CDH13: variants seen among roughly 807,000 people sequenced by gnomAD.
The protein encoded by CDH13 is cadherin-13.
CDH13 carries 24 observed loss-of-function variants against 63.8 expected under a neutral mutation model. The ratio of observed to expected loss-of-function variants is 0.38; its 90% confidence interval spans 0.27 to 0.53. The LOEUF (loss-of-function observed/expected upper bound fraction) is 0.53. Ranked by LOEUF, CDH13 falls within the 20% of genes least tolerant of loss-of-function variation. CDH13 has a pLI of 0.85. For synonymous variants in CDH13, 503 were observed against 355.3 expected (o/e 1.42, Z -4.67); for missense variants, 1,049 against 903.1 (o/e 1.16, Z -2.07).
rs1207271982 is a variant in CDH13, at chr16:83,764,365, C to T, written c.1682-15603C>T. ...GCTGAATGGGCAGGTGGAAGCCTGA[C>T]AGCAGGACATTTCTACATTGATCAG... On this transcript the variant is annotated intron_variant, in intron 11 of 13. Transcript: ENST00000567109. Among the ~76,000 whole-genome samples, 6 of 152,330 alleles carry T rather than the reference C, an allele frequency of 3.9e-5. No individual in the cohort carries two copies. The South Asian group carries it at 8.3e-4, about 21-fold the overall frequency.
intron 8 of CDH13, among the ~76,000 whole-genome samples, chr16:83,660,096 C>T (rs377626546): frequency 6.6e-6 from 1 of 152,094 alleles, no homozygotes; most frequent in Non-Finnish European, 1.5e-5. Flanking sequence ...CAATCCACAA[C>T]CTTTTTGGCA....
intron 5 of CDH13, among the ~76,000 whole-genome samples, chr16:83,282,216 C>T (rs942810105): frequency 1.3e-5 from 2 of 152,104 alleles, no homozygotes; most frequent in East Asian, 1.9e-4. Context: ...ACAATAGTAA[C>T]ATCAAAGATC....
chr16:82,671,071 G>A (rs1000580114), intron 1 of CDH13, among the ~76,000 whole-genome samples: 1 of 152,122 alleles, frequency 6.6e-6, no homozygotes, highest in African/African-American at 2.4e-5. Context: ...AGCCTTTCGT[G>A]GGTATTAGAT....
chr16:83,366,478 A>G (rs945012099), intron 6 of CDH13, among the ~76,000 whole-genome samples: 3 of 152,236 alleles, frequency 2.0e-5, no homozygotes, highest in East Asian at 3.9e-4. Flanking sequence ...GCTTGCCACA[A>G]TTCACCTCGC....
intron 5 of CDH13, among the ~76,000 whole-genome samples, chr16:83,332,571 G>T (rs147566112): frequency 6.6e-6 from 1 of 152,100 alleles, no homozygotes; most frequent in Non-Finnish European, 1.5e-5. Context: ...CTCTCTGCTG[G>T]CTTTGTTTTC....
chr16:83,508,202 A>G (rs1033934069), intron 7 of CDH13: 3 of 152,342 alleles, frequency 2.0e-5, no homozygotes, highest in Admixed American at 6.6e-5. Context: ...AAGGGAATAC[A>G]TTTAATAAAT....
chr16:82,930,532 C>G (rs1345623905), intron 2 of CDH13, among the ~76,000 whole-genome samples: 7 of 152,014 alleles, frequency 4.6e-5, no homozygotes. Context: ...TCTAATTTAT[C>G]TATTTTATTT....
At chr16:82,993,671 G>C in intron 2 of CDH13, among the ~76,000 whole-genome samples, 1 of 152,268 alleles carries the variant, frequency 6.6e-6, no homozygotes. Flanking sequence ...GCTGCTTCTC[G>C]GATGGGACTT....
intron 10 of CDH13, among the ~76,000 whole-genome samples, chr16:83,731,611 G>T (rs1244785868): frequency 6.6e-6 from 1 of 152,150 alleles, no homozygotes; most frequent in African/African-American, 2.4e-5. Flanking sequence ...TCTATAGGTT[G>T]TCTGTTTATT....
At chr16:82,692,724 C>T (rs1471067932) in intron 1 of CDH13, among the ~76,000 whole-genome samples, 2 of 152,136 alleles carry the variant, frequency 1.3e-5, no homozygotes, top group Non-Finnish European at 1.5e-5. Flanking sequence ...CGTGGGTTCT[C>T]TGTGAATGAA....
At chr16:82,780,300 G>A (rs1299880362) in intron 1 of CDH13, among the ~76,000 whole-genome samples, 1 of 152,190 alleles carries the variant, frequency 6.6e-6, no homozygotes, top group Non-Finnish European at 1.5e-5. Context: ...TGGAATGCAA[G>A]GAGGTGGAAG....
At chr16:83,314,615 A>AT (rs1164304673) in intron 5 of CDH13, among the ~76,000 whole-genome samples, 14 of 152,204 alleles carry the variant, frequency 9.2e-5, no homozygotes, top group Non-Finnish European at 1.5e-5. Flanking sequence ...CCACAACTTC[A>AT]TATGGGGCTC....
At chr16:83,096,881 T>A (rs1172940321) in intron 3 of CDH13, among the ~76,000 whole-genome samples, 1 of 152,240 alleles carries the variant, frequency 6.6e-6, no homozygotes, top group Non-Finnish European at 1.5e-5. Context: ...GGAAAAATTG[T>A]CCTTGCCTTT....
intron 2 of CDH13, among the ~76,000 whole-genome samples, chr16:82,906,535 C>T (rs2041652744): frequency 6.6e-6 from 1 of 152,134 alleles, no homozygotes; most frequent in African/African-American, 2.4e-5. Flanking sequence ...GTGACAAAGG[C>T]TGGTTTCTCA....
intron 6 of CDH13, among the ~76,000 whole-genome samples, chr16:83,463,633 C>G (rs2073235458): frequency 6.6e-6 from 1 of 152,066 alleles, no homozygotes; most frequent in Non-Finnish European, 1.5e-5. Flanking sequence ...AGACCCCCAT[C>G]ATTATAAAAA....
chr16:83,699,771 A>T (rs1905936470), intron 10 of CDH13, among the ~76,000 whole-genome samples: 1 of 152,106 alleles, frequency 6.6e-6, no homozygotes, highest in Non-Finnish European at 1.5e-5. Context: ...TCAACCTGAG[A>T]CCCTGGAAAG....
At chr16:82,777,433 C>T (rs1413921308) in intron 1 of CDH13, among the ~76,000 whole-genome samples, 1 of 152,158 alleles carries the variant, frequency 6.6e-6, no homozygotes, top group Non-Finnish European at 1.5e-5. Context: ...TTGCTTAACT[C>T]CACACTGTGG....
chr16:83,050,370 A>C (rs1204331259), intron 3 of CDH13, among the ~76,000 whole-genome samples: 1 of 152,082 alleles, frequency 6.6e-6, no homozygotes, highest in African/African-American at 2.4e-5. Flanking sequence ...AAGTCACCCA[A>C]CTGTCTTCTA....
intron 1 of CDH13, among the ~76,000 whole-genome samples, chr16:82,744,962 T>C (rs147428460): frequency 3.4e-4 from 52 of 152,264 alleles, no homozygotes; most frequent in East Asian, 2.5e-3. Context: ...ATATGTCTCA[T>C]AGGTAGCATT....
Sources: allele counts gnomAD v4.1 joint callset (sites outside exome capture counted in the v4.1 genomes callset), GRCh38; gene constraint gnomAD v4.1.1; transcripts MANE v1.5; gene names NCBI Gene and HGNC (gene_info 2026-07-23, HGNC 2026-07-21).